The following PARD3B variants were observed in gnomAD, a reference collection of about 807,000 sequenced individuals.
PARD3B encodes the protein par-3 family cell polarity regulator beta.
PARD3B carries 103 observed loss-of-function variants against 130.2 expected under a neutral mutation model. The observed-to-expected ratio is 0.79, with a 90% CI of 0.67 to 0.93. PARD3B has a LOEUF of 0.93. Ranked by LOEUF, PARD3B falls within the 40% of genes least tolerant of loss-of-function variation. PARD3B has a pLI of 0.00. For synonymous variants in PARD3B, 583 were observed against 553.2 expected (o/e 1.05, Z -0.76); for missense variants, 1,609 against 1,499.2 (o/e 1.07, Z -1.21).
At chr2:205,464,459 G>T (rs2048556183) in intron 20 of PARD3B, among the ~76,000 whole-genome samples, 1 of 152,176 alleles carries the variant, frequency 6.6e-6, no homozygotes, top group African/African-American at 2.4e-5. Flanking sequence ...GGAGTCACAG[G>T]CCTGTCAACA....
At chr2:204,929,497 CTTT>C (rs1687868725) in intron 2 of PARD3B, among the ~76,000 whole-genome samples, 1 of 152,024 alleles carries the variant, frequency 6.6e-6, no homozygotes, top group Non-Finnish European at 1.5e-5. Context: ...TGGGAAAGTC[CTTT>C]TAAGTACCAA....
intron 18 of PARD3B, among the ~76,000 whole-genome samples, chr2:205,308,590 G>A (rs1172648032): frequency 2.3e-5 from 3 of 130,974 alleles, no homozygotes; most frequent in African/African-American, 8.5e-5. Context: ...CTGGGTGAGA[G>A]CGAGACTCCG....
At chr2:204,832,078 TAGTC>T (rs950375627) in intron 2 of PARD3B, among the ~76,000 whole-genome samples, 1 of 151,784 alleles carries the variant, frequency 6.6e-6, no homozygotes, top group Non-Finnish European at 1.5e-5. Context: ...AAAACAAAAT[TAGTC>T]AGGCATGGTG....
chr2:204,811,447 G>A (rs773213165), intron 2 of PARD3B, among the ~76,000 whole-genome samples: 22 of 152,164 alleles, frequency 1.4e-4, no homozygotes, highest in Non-Finnish European at 2.8e-4. Flanking sequence ...CTGGCACAGA[G>A]TTTGGGGCAA....
At chr2:205,378,592 C>T (rs1287244814) in intron 18 of PARD3B, among the ~76,000 whole-genome samples, 1 of 151,944 alleles carries the variant, frequency 6.6e-6, no homozygotes, top group Non-Finnish European at 1.5e-5. Context: ...TCACCATGCT[C>T]CCAGGGCTGG....
intron 1 of PARD3B, among the ~76,000 whole-genome samples, chr2:204,660,581 T>G (rs2035773471): frequency 6.6e-6 from 1 of 152,186 alleles, no homozygotes; most frequent in South Asian, 2.1e-4. Context: ...AAATCATTAG[T>G]GGACCAGGCC....
chr2:205,304,109 A>G (rs1212796692), intron 18 of PARD3B, among the ~76,000 whole-genome samples: 1 of 152,234 alleles, frequency 6.6e-6, no homozygotes, highest in African/African-American at 2.4e-5. Flanking sequence ...AGAAAGTTCC[A>G]TCATTCCATA....
rs1003826170 is a variant in PARD3B at position 205,591,267 on chromosome 2, C to A, written c.3261-24189C>A. Among the ~76,000 whole-genome samples the A allele has an allele frequency of 2.6e-5, 4 of 152,144 alleles. No individual in the cohort carries two copies. Among genetic ancestry groups the A allele is most frequent in the Non-Finnish European group, 5.9e-5 (4 of 68,032 alleles). On this transcript the variant is annotated intron_variant, in intron 22 of 22. Coordinates refer to ENST00000406610, the MANE Select transcript of PARD3B (RefSeq NM_001302769.2). The surrounding 1 kb of genome is among the most constrained non-coding windows in gnomAD (Gnocchi z 4.2). The stretch of plus-strand genomic sequence containing the variant: ...GTTTTTTCAATGAACATAGTCCATA[C>A]ATTTTGGGAAAGTGGTAATAACTTG...
intron 4 of PARD3B, among the ~76,000 whole-genome samples, chr2:205,085,292 T>C (rs572882258): frequency 6.6e-6 from 1 of 152,208 alleles, no homozygotes; most frequent in South Asian, 2.1e-4. Flanking sequence ...CTAATGTATC[T>C]TGCTGCCTTT....
intron 1 of PARD3B, among the ~76,000 whole-genome samples, chr2:204,571,021 G>A (rs2031972643): frequency 6.6e-6 from 1 of 152,116 alleles, no homozygotes; most frequent in African/African-American, 2.4e-5. Flanking sequence ...TGTATAAGCT[G>A]TTGTAACTGA....
intron 2 of PARD3B, among the ~76,000 whole-genome samples, chr2:204,957,387 A>C (rs1463006521): frequency 5.9e-5 from 9 of 152,186 alleles, no homozygotes; most frequent in Admixed American, 5.9e-4. Context: ...GTACAGTTGA[A>C]TAAGTCATGT....
intron 1 of PARD3B, among the ~76,000 whole-genome samples, chr2:204,614,982 TATGTG>T (rs1415053111): frequency 1.3e-5 from 2 of 152,218 alleles, no homozygotes; most frequent in African/African-American, 4.8e-5. Flanking sequence ...TACTCACTTT[TATGTG>T]AGGTAAATGT....
intron 1 of PARD3B, among the ~76,000 whole-genome samples, chr2:204,637,387 C>T (rs2034922158): frequency 6.6e-6 from 1 of 152,048 alleles, no homozygotes; most frequent in Non-Finnish European, 1.5e-5. Flanking sequence ...AGTTAATTTC[C>T]TTCCAGGTTT....
chr2:204,854,400 A>C (rs1426876244), intron 2 of PARD3B, among the ~76,000 whole-genome samples: 2 of 152,202 alleles, frequency 1.3e-5, no homozygotes, highest in Non-Finnish European at 2.9e-5. Flanking sequence ...TCCTGAGAAA[A>C]ATGAAGGAAT....
intron 3 of PARD3B, among the ~76,000 whole-genome samples, chr2:205,023,103 A>G (rs1409162624): frequency 6.6e-6 from 1 of 152,192 alleles, no homozygotes; most frequent in East Asian, 1.9e-4. Flanking sequence ...TTTCTATGCC[A>G]AATCTTGGTG....
rs1313011598 is a variant in PARD3B, at chr2:205,183,427, A to C, written c.1925-2337A>C. On this transcript the variant is annotated intron_variant, in intron 13 of 22. Transcript: ENST00000406610. This position sits in a 1 kb window ranked among gnomAD's most constrained non-coding sequence, Gnocchi z 5.2. The stretch of plus-strand genomic sequence containing the variant: ...TTGTCCCAGGATGTCCATTGTCCCC[A>C]ATTTACATTACAGTCCTTCTGTTCT... Among the ~76,000 whole-genome samples the C allele has an allele frequency of 3.3e-5, 5 of 152,184 alleles. No homozygotes were observed. The highest frequency in any genetic ancestry group is 3.3e-4 in the Admixed American group (5 of 15,286).
chr2:204,900,907 C>T (rs1310949675), intron 2 of PARD3B, among the ~76,000 whole-genome samples: 1 of 152,174 alleles, frequency 6.6e-6, no homozygotes, highest in African/African-American at 2.4e-5. Context: ...TGGATAAGAT[C>T]TGGAAGAGTT....
Position 205,190,123 on chromosome 2 carries a change from A to G in PARD3B, c.2025-3082A>G, listed in dbSNP as rs190910581. Among the ~76,000 whole-genome samples the G allele has an allele frequency of 3.9e-5, 6 of 152,316 alleles. No individual in the cohort carries two copies. The East Asian group carries it at 1.2e-3, about 29-fold the overall frequency. ...ACTTTATTAGACAGATCCTAGCTTG[A>G]TGTTACTGCATCGAGTGTCATTGCC... is the stretch of plus-strand genomic sequence containing the variant. On this transcript the variant is annotated intron_variant, in intron 14 of 22. Transcript: ENST00000406610.
chr2:204,965,191 A>AT lies in PARD3B; in HGVS notation c.264dup (p.Glu89Ter). 1 of 1,613,900 alleles carries AT rather than the reference A, an allele frequency of 6.2e-7. No individual in the cohort carries two copies. Among genetic ancestry groups the AT allele is most frequent in the South Asian group, 1.1e-5 (1 of 91,074 alleles). ...TGAAGAACAAGAACCACTCCACAAG[A>AT]TTGAGAGCCCCAGTGGAAACCCTGC... On this transcript the variant is annotated frameshift_variant, in exon 3 of 23. Coordinates refer to ENST00000406610, the MANE Select transcript of PARD3B (RefSeq NM_001302769.2). LOFTEE classifies it high-confidence loss of function.
Sources: allele counts gnomAD v4.1 joint callset (sites outside exome capture counted in the v4.1 genomes callset), GRCh38; gene constraint gnomAD v4.1.1; non-coding constraint Gnocchi (gnomAD v3.1); transcripts MANE v1.5; gene names NCBI Gene and HGNC (gene_info 2026-07-23, HGNC 2026-07-21).